Variants in EXOC4 observed in about 807,000 individuals in gnomAD.
EXOC4 encodes SEC8-like 1.
In EXOC4, 71 loss-of-function variants were observed where a neutral mutation model predicts 107.2. The observed-to-expected ratio is 0.66, with a 90% CI of 0.55 to 0.81. The LOEUF (loss-of-function observed/expected upper bound fraction) is 0.81, where lower values mean the gene tolerates loss of function less well. EXOC4 is among the 30% of genes least tolerant of loss of function. EXOC4 has a pLI of 0.00. For synonymous variants in EXOC4, 456 were observed against 441.2 expected (o/e 1.03, Z -0.42); for missense variants, 1,108 against 1,189.6 (o/e 0.93, Z 1.01).
Position 133,914,664 on chromosome 7 carries a change from C to G in EXOC4, c.1872-2919C>G, listed in dbSNP as rs149673341. ...AAAAAAGGAAAAAAAAATTACAAAC[C>G]TATTTGGAACCAGTGTAACTCATAG... On this transcript the variant is annotated intron_variant, in intron 12 of 17. Transcript: ENST00000253861. 7.9e-5 allele frequency among the ~76,000 whole-genome samples: 12 copies of G among 152,106 alleles called. No individual in the cohort carries two copies. In the East Asian group the frequency reaches 2.3e-3, roughly 29 times the overall value.
At chr7:133,825,522 T>C (rs2151230048) in intron 11 of EXOC4, among the ~76,000 whole-genome samples, 1 of 152,328 alleles carries the variant, frequency 6.6e-6, no homozygotes, top group East Asian at 1.9e-4. Context: ...CTACTTACAG[T>C]ATAATAATTT....
chr7:133,356,631 G>T, intron 6 of EXOC4, 58 bp downstream of exon 6: 1 of 1,586,352 alleles, frequency 6.3e-7, no homozygotes, highest in Non-Finnish European at 8.6e-7. Context: ...ATTTTCTAGG[G>T]TGGGGCGTAA....
intron 9 of EXOC4, among the ~76,000 whole-genome samples, chr7:133,522,279 T>TA: frequency 6.6e-6 from 1 of 152,158 alleles, no homozygotes; most frequent in East Asian, 1.9e-4. Flanking sequence ...GTTTCAGCCA[T>TA]AACTTAGTAG....
chr7:133,714,645 C>G (rs1276705418), intron 10 of EXOC4, among the ~76,000 whole-genome samples: 2 of 152,184 alleles, frequency 1.3e-5, no homozygotes, highest in Non-Finnish European at 2.9e-5. Context: ...TTTTGCACAA[C>G]TGTTTACATA....
chr7:133,903,295 T>A (rs1424620459), intron 12 of EXOC4, among the ~76,000 whole-genome samples: 1 of 152,204 alleles, frequency 6.6e-6, no homozygotes. Flanking sequence ...ACATATATTT[T>A]AAATTTTAAG....
intron 14 of EXOC4, among the ~76,000 whole-genome samples, chr7:133,978,245 G>T (rs1417937337): frequency 6.6e-6 from 1 of 152,168 alleles, no homozygotes; most frequent in African/African-American, 2.4e-5. Context: ...ACCATTTTTG[G>T]TCTGGGCTGC....
rs531627851 is a variant in EXOC4 at position 134,006,765 on chromosome 7, AG to A, written c.2528-909del. The stretch of plus-strand genomic sequence containing the variant: ...TGCTAGCATCCAAGAATAAGAAAGA[AG>A]GAAGAAACGTTTACTGAATTCCATT... On this transcript the variant is annotated intron_variant, in intron 16 of 17. Transcript: ENST00000253861. Among the ~76,000 whole-genome samples the A allele has an allele frequency of 1.6e-3, 249 of 152,350 alleles. 1 individual carries two copies. Among genetic ancestry groups the A allele is most frequent in the Middle Eastern group, 6.8e-3 (2 of 294 alleles).
chr7:133,640,281 T>C (rs1802822305), intron 10 of EXOC4, among the ~76,000 whole-genome samples: 1 of 152,204 alleles, frequency 6.6e-6, no homozygotes, highest in African/African-American at 2.4e-5. Context: ...TAACTTCATA[T>C]AAATGGAATC....
intron 9 of EXOC4, among the ~76,000 whole-genome samples, chr7:133,537,021 T>G (rs2150926876): frequency 6.6e-6 from 1 of 152,332 alleles, no homozygotes; most frequent in Middle Eastern, 3.4e-3. Context: ...TCTACATGCC[T>G]AAAAGGAGAG....
chr7:133,773,973 T>G (rs901059972), intron 10 of EXOC4, among the ~76,000 whole-genome samples: 1 of 152,108 alleles, frequency 6.6e-6, no homozygotes, highest in Non-Finnish European at 1.5e-5. Context: ...CTTTCTTACA[T>G]CTGGTTTCCT....
rs11294833 is a variant in EXOC4, at chr7:133,933,046, ATT to A, written c.2028-4833_2028-4832del. 3.6e-3 allele frequency among the ~76,000 whole-genome samples: 532 copies of A among 148,668 alleles called. 6 individuals carry two copies. The highest frequency in any genetic ancestry group is 8.9e-3 in the African/African-American group (359 of 40,546). On this transcript the variant is annotated intron_variant, in intron 13 of 17. Coordinates refer to ENST00000253861, the MANE Select transcript of EXOC4 (RefSeq NM_021807.4). Reference sequence around the variant, plus strand: ...TGCATCAGGTCTGCTGAAAGCGCAGATTTTTTTTTTTTTCTTTTTTGCTTTCC... The same window carrying A: ...TGCATCAGGTCTGCTGAAAGCGCAGATTTTTTTTTTTCTTTTTTGCTTTCC...
chr7:133,298,534 A>G (rs1459448579), intron 3 of EXOC4, among the ~76,000 whole-genome samples: 3 of 152,166 alleles, frequency 2.0e-5, no homozygotes, highest in African/African-American at 7.2e-5. Context: ...GCTCTCTTAC[A>G]GAGCACTGAT....
At chr7:134,014,660 G>T (rs1225017833) in intron 17 of EXOC4, among the ~76,000 whole-genome samples, 1 of 152,084 alleles carries the variant, frequency 6.6e-6, no homozygotes, top group East Asian at 1.9e-4. Flanking sequence ...AGGAGTCTTT[G>T]GGGGGTGATG....
intron 6 of EXOC4, among the ~76,000 whole-genome samples, chr7:133,373,777 C>A (rs1320743433): frequency 6.6e-6 from 1 of 152,184 alleles, no homozygotes; most frequent in Non-Finnish European, 1.5e-5. Context: ...ATGCTATACA[C>A]ATTAAATTCA....
chr7:133,764,961 A>G (rs1161629285), intron 10 of EXOC4, among the ~76,000 whole-genome samples: 1 of 151,994 alleles, frequency 6.6e-6, no homozygotes, highest in African/African-American at 2.4e-5. Context: ...TGCAATCTCA[A>G]TTACCACATC....
intron 10 of EXOC4, among the ~76,000 whole-genome samples, chr7:133,726,016 G>A (rs1795208078): frequency 6.6e-6 from 1 of 152,196 alleles, no homozygotes; most frequent in South Asian, 2.1e-4. Context: ...GCAGATTTGG[G>A]AGAAACTGTT....
chr7:133,658,244 T>G (rs981541648), intron 10 of EXOC4, among the ~76,000 whole-genome samples: 2 of 152,122 alleles, frequency 1.3e-5, no homozygotes, highest in African/African-American at 4.8e-5. Context: ...TCTACCAGAT[T>G]ATGCCAGTAT....
intron 1 of EXOC4, among the ~76,000 whole-genome samples, chr7:133,254,785 C>A (rs934194827): frequency 6.6e-6 from 1 of 152,060 alleles, no homozygotes; most frequent in African/African-American, 2.4e-5. Flanking sequence ...TATGGAAATC[C>A]AGGAGGAGTG....
the EXOC4 span, among the ~76,000 whole-genome samples, chr7:134,089,817 C>A: frequency 2.1e-3 from 313 of 152,216 alleles, no homozygotes; most frequent in Middle Eastern, 0.01. Context: ...TTATAAACTT[C>A]TTTGCATAGC....
Sources: allele counts gnomAD v4.1 joint callset (sites outside exome capture counted in the v4.1 genomes callset), GRCh38; gene constraint gnomAD v4.1.1; transcripts MANE v1.5; gene names NCBI Gene and HGNC (gene_info 2026-07-23, HGNC 2026-07-21).